The following DMD variants were observed in gnomAD, a reference collection of about 807,000 sequenced individuals.
The protein encoded by DMD is mutant dystrophin.
Under a neutral mutation model 330.1 loss-of-function variants are expected in DMD, and 63 were observed. The observed-to-expected ratio is 0.19, with a 90% CI of 0.16 to 0.24. DMD has a LOEUF of 0.24. DMD is among the 10% of genes least tolerant of loss of function. DMD has a pLI of 1.00. For missense variants in DMD, 3,344 were observed against 2,684.1 expected, an observed-to-expected ratio of 1.25 and a Z score of -5.43; for synonymous variants, 1,223 against 959.8, an observed-to-expected ratio of 1.27 and a Z score of -5.07.
intron 44 of DMD, among the ~76,000 whole-genome samples, chrX:32,094,297 T>C (rs761782958): frequency 1.2e-4 from 14 of 112,112 alleles, no homozygotes; most frequent in Non-Finnish European, 2.3e-4. Flanking sequence ...TTAGTGGCAA[T>C]AATAAATAAA....
chrX:32,328,170 G>A (rs1467734634), intron 41 of DMD, among the ~76,000 whole-genome samples: 5 of 111,313 alleles, frequency 4.5e-5, no homozygotes, highest in Non-Finnish European at 9.4e-5. Flanking sequence ...TTGATGCATT[G>A]TTTACAATTA....
intron 62 of DMD, among the ~76,000 whole-genome samples, chrX:31,310,338 T>C (rs926613180): frequency 7.3e-5 from 8 of 109,679 alleles, no homozygotes; most frequent in Non-Finnish European, 1.3e-4. Context: ...ACTTTTGCTG[T>C]GCCTGCTCAG....
intron 44 of DMD, among the ~76,000 whole-genome samples, chrX:32,152,414 C>T (rs1211881031): frequency 1.8e-5 from 2 of 111,456 alleles, no homozygotes; most frequent in African/African-American, 6.5e-5. Context: ...TAGTGTTGGA[C>T]AGTTCCTAAT....
At chrX:32,329,647 A>G (rs775557812) in intron 41 of DMD, among the ~76,000 whole-genome samples, 1 of 112,598 alleles carries the variant, frequency 8.9e-6, no homozygotes, top group Admixed American at 9.4e-5. Flanking sequence ...ACCAGTTAAC[A>G]CATTTTGAGC....
At chrX:31,976,344 G>A (rs1026730267) in intron 44 of DMD, among the ~76,000 whole-genome samples, 4 of 111,120 alleles carry the variant, frequency 3.6e-5, no homozygotes, top group African/African-American at 1.3e-4. Context: ...GAGCATTATT[G>A]GCAGAGCTAT....
chrX:31,353,995 G>A (rs1453248109), intron 60 of DMD, among the ~76,000 whole-genome samples: 2 of 111,800 alleles, frequency 1.8e-5, no homozygotes, highest in African/African-American at 3.3e-5. Context: ...CATAGATCAC[G>A]AAAGCTTAGA....
intron 51 of DMD, among the ~76,000 whole-genome samples, chrX:31,762,197 T>C (rs1390775738): frequency 2.7e-5 from 3 of 112,234 alleles, no homozygotes; most frequent in Admixed American, 9.4e-5. Flanking sequence ...AATATGCTTT[T>C]ACTTTCCCCA....
chrX:32,323,115 T>A (rs911584783), intron 41 of DMD, among the ~76,000 whole-genome samples: 1 of 112,078 alleles, frequency 8.9e-6, no homozygotes, highest in Admixed American at 9.5e-5. Flanking sequence ...GACATTTTTA[T>A]TGCCATTATT....
At chrX:32,124,534 T>C (rs1311900425) in intron 44 of DMD, among the ~76,000 whole-genome samples, 3 of 112,378 alleles carry the variant, frequency 2.7e-5, no homozygotes, top group Admixed American at 9.4e-5. Flanking sequence ...TTTGGATACA[T>C]GTCAGGAACA....
intron 1 of DMD, among the ~76,000 whole-genome samples, chrX:33,190,398 A>T (rs868256602): frequency 9.8e-6 from 1 of 101,622 alleles, no homozygotes; most frequent in African/African-American, 3.5e-5. Flanking sequence ...TTTAAACTTA[A>T]ATTATAAGTT....
chrX:31,794,202 TG>T (rs755056471), intron 50 of DMD, among the ~76,000 whole-genome samples: 1 of 111,594 alleles, frequency 9.0e-6, no homozygotes, highest in Admixed American at 9.5e-5. Flanking sequence ...CCACTCTACT[TG>T]GACTTATTGC....
intron 44 of DMD, among the ~76,000 whole-genome samples, chrX:32,076,371 T>C (rs890997722): frequency 2.0e-5 from 2 of 98,495 alleles, no homozygotes; most frequent in African/African-American, 4.2e-5. Context: ...AGACTTCTTT[T>C]TTTCTTTCTT....
At chrX:31,393,360 C>A (rs1296863369) in intron 60 of DMD, among the ~76,000 whole-genome samples, 2 of 108,276 alleles carry the variant, frequency 1.8e-5, no homozygotes, top group Admixed American at 1.0e-4. Context: ...GCCTGTAGTC[C>A]CAGCTACTCT....
chrX:33,208,782 C>T (rs2051723538), intron 1 of DMD, among the ~76,000 whole-genome samples: 1 of 110,335 alleles, frequency 9.1e-6, no homozygotes, highest in African/African-American at 3.3e-5. Flanking sequence ...TATGATAAAT[C>T]ATTTTTAATA....
intron 55 of DMD, among the ~76,000 whole-genome samples, chrX:31,527,792 G>A (rs886414557): frequency 2.9e-4 from 32 of 111,482 alleles, no homozygotes; most frequent in African/African-American, 1.0e-3. Context: ...TGCTTCAGTG[G>A]TACCCCGGAG....
intron 9 of DMD, among the ~76,000 whole-genome samples, chrX:32,676,758 C>T (rs902402922): frequency 4.5e-5 from 5 of 111,481 alleles, no homozygotes; most frequent in Admixed American, 1.9e-4. Flanking sequence ...ACAAAACAAA[C>T]ACATATGTAT....
At chrX:31,980,021 A>G (rs1183087964) in intron 44 of DMD, among the ~76,000 whole-genome samples, 2 of 112,385 alleles carry the variant, frequency 1.8e-5, no homozygotes, top group Admixed American at 1.9e-4. Context: ...AAGATAGCAA[A>G]AATTAAAATG....
At chrX:32,347,205 T>C (rs1010578050) in intron 38 of DMD, among the ~76,000 whole-genome samples, 3 of 111,517 alleles carry the variant, frequency 2.7e-5, no homozygotes, top group Non-Finnish European at 5.7e-5. Context: ...TATAGACACA[T>C]CATATACTTA....
intron 13 of DMD, among the ~76,000 whole-genome samples, chrX:32,587,045 T>C (rs921058528): frequency 2.7e-5 from 3 of 111,499 alleles, no homozygotes; most frequent in African/African-American, 9.8e-5. Context: ...ATATTCCTCT[T>C]CATAAATAAC....
Sources: gnomAD v4.1 joint callset for allele counts (sites outside exome capture counted in the v4.1 genomes callset) on GRCh38, gnomAD v4.1.1 for gene constraint, MANE v1.5 for transcripts, NCBI Gene and HGNC (gene_info 2026-07-23, HGNC 2026-07-21) for gene names.